Variants in CACNA1D observed in about 807,000 individuals in gnomAD.
The protein encoded by CACNA1D is voltage-dependent L-type calcium channel subunit alpha-1D.
A neutral mutation model predicts 257.1 loss-of-function variants in CACNA1D; 55 were observed. That is an observed-to-expected ratio of 0.21 (90% confidence interval 0.17 to 0.27). The LOEUF (loss-of-function observed/expected upper bound fraction) is 0.27. Among genes scored for constraint, CACNA1D ranks in the 10% least tolerant of loss-of-function variants. CACNA1D has a pLI of 1.00. For missense variants in CACNA1D, 1,876 were observed against 2,784.0 expected (o/e 0.67, Z 7.34); for synonymous variants, 980 against 1,014.9 (o/e 0.97, Z 0.65).
At chr3:53,517,777 C>T (rs533053237) in intron 3 of CACNA1D, among the ~76,000 whole-genome samples, 86 of 152,254 alleles carry the variant, frequency 5.6e-4, no homozygotes, top group African/African-American at 2.0e-3. Context: ...CCACCGTGCC[C>T]GGCCATGCAT....
At chr3:53,704,662 A>C (rs1267578941) in intron 9 of CACNA1D, among the ~76,000 whole-genome samples, 1 of 152,166 alleles carries the variant, frequency 6.6e-6, no homozygotes, top group Non-Finnish European at 1.5e-5. Context: ...AGATGCCTGC[A>C]CCGCTCTTTT....
chr3:53,725,676 T>C (rs2094928717), intron 14 of CACNA1D, among the ~76,000 whole-genome samples: 1 of 152,198 alleles, frequency 6.6e-6, no homozygotes, highest in Admixed American at 6.5e-5. Context: ...GATACTGTTC[T>C]TATCAGGAGT....
rs111310246 is a variant in CACNA1D, at chr3:53,769,657, C to T, written c.3871-316C>T. Among the ~76,000 whole-genome samples the T allele has an allele frequency of 0.02, 3,107 of 152,316 alleles. 121 individuals are homozygous for T. The highest frequency in any genetic ancestry group is 0.071 in the African/African-American group (2,963 of 41,550). ...GCCCTGACTAAGCCAAGAGAACTAG[C>T]CTCCTCGCGAGAAGCGGGGGCACAC... On this transcript the variant is annotated intron_variant, in intron 30 of 47. Coordinates refer to ENST00000350061, the MANE Select transcript of CACNA1D (RefSeq NM_001128840.3).
intron 16 of CACNA1D, 73 bp from the exon 17 acceptor site, chr3:53,731,004 G>A (rs1356954613): frequency 6.5e-6 from 6 of 924,136 alleles, no homozygotes; most frequent in Non-Finnish European, 3.5e-6. Context: ...TATTGATTCA[G>A]AATCCTGATT....
intron 3 of CACNA1D, among the ~76,000 whole-genome samples, chr3:53,614,547 C>G (rs1184807383): frequency 6.6e-6 from 1 of 152,174 alleles, no homozygotes; most frequent in Non-Finnish European, 1.5e-5. Context: ...TGAGTGAGCA[C>G]AGTACAACCA....
chr3:53,523,816 C>G (rs1221827218), intron 3 of CACNA1D, among the ~76,000 whole-genome samples: 1 of 152,150 alleles, frequency 6.6e-6, no homozygotes, highest in East Asian at 1.9e-4. Context: ...CTATTTTTTG[C>G]AGGGAGGACT....
intron 8 of CACNA1D, chr3:53,679,429 A>G (rs1344425548): frequency 6.6e-6 from 1 of 152,140 alleles, no homozygotes; most frequent in Non-Finnish European, 1.5e-5. Context: ...ATTGCTTACA[A>G]CATTGAAAAG....
chr3:53,810,154 G>GCCGTCCCTGCA lies in CACNA1D; in HGVS notation c.6052_6062dup (p.Ser2022ProfsTer24). On this transcript the variant is annotated frameshift_variant, in exon 47 of 48. Coordinates refer to ENST00000350061, the MANE Select transcript of CACNA1D (RefSeq NM_001128840.3). LOFTEE classifies it high-confidence loss of function. ...CCCTGGACCAGGTGAACGGCAGCCTGCCGTCCCTGCACCGCAGCTCCTGGT... is the reference window on the plus strand; with the variant it reads ...CCCTGGACCAGGTGAACGGCAGCCTGCCGTCCCTGCACCGTCCCTGCACCGCAGCTCCTGGT... 6.2e-7 allele frequency: 1 copy of GCCGTCCCTGCA among 1,613,974 alleles called. No homozygotes were observed.
chr3:53,603,284 C>T (rs2093467692), intron 3 of CACNA1D, among the ~76,000 whole-genome samples: 1 of 152,206 alleles, frequency 6.6e-6, no homozygotes, highest in East Asian at 1.9e-4. Flanking sequence ...CCTTGAACAG[C>T]AGTGGCACAG....
intron 3 of CACNA1D, among the ~76,000 whole-genome samples, chr3:53,557,057 T>A (rs1433875628): frequency 6.6e-6 from 1 of 152,230 alleles, no homozygotes; most frequent in East Asian, 1.9e-4. Flanking sequence ...GCAAAAGTTT[T>A]AAATTTTGAT....
intron 3 of CACNA1D, among the ~76,000 whole-genome samples, chr3:53,508,118 A>G (rs1218251473): frequency 1.3e-5 from 2 of 152,062 alleles, no homozygotes; most frequent in East Asian, 1.9e-4. Flanking sequence ...TGAGGAGGGC[A>G]TGTGGGGACG....
Position 53,780,118 on chromosome 3 carries a change from C to T in CACNA1D, c.4680C>T (p.Ile1560=), listed in dbSNP as rs2095418098. 2 of 1,612,122 alleles carry T rather than the reference C, an allele frequency of 1.2e-6. No homozygotes were observed. Among genetic ancestry groups the T allele is most frequent in the Admixed American group, 3.3e-5 (2 of 60,010 alleles). ...CTTTGGTTCGAACGGCTCTTAAGATCAAGACCGAAGGTGAGCATTCCCTGC... is the reference window on the plus strand; with the variant it reads ...CTTTGGTTCGAACGGCTCTTAAGATTAAGACCGAAGGTGAGCATTCCCTGC... ...LFALVRTALK[I]KTEGNLEQAN... is the part of the protein sequence containing the mutation. The change falls in exon 38 of 48, where the codon ATC becomes ATT. Residue 1560 remains isoleucine, a synonymous_variant. Coordinates refer to ENST00000350061, the MANE Select transcript of CACNA1D (RefSeq NM_001128840.3).
At chr3:53,710,537 A>C (rs2094742301) in intron 9 of CACNA1D, 1 of 454,568 alleles carries the variant, frequency 2.2e-6, no homozygotes, top group Non-Finnish European at 4.4e-6. Context: ...TTTTCCTTGC[A>C]CATAGGCATT....
chr3:53,726,647 A>C (rs35025659), intron 14 of CACNA1D, among the ~76,000 whole-genome samples: 2 of 151,068 alleles, frequency 1.3e-5, no homozygotes, highest in African/African-American at 4.8e-5. Flanking sequence ...AAAACAAACA[A>C]ACACTTAAGT....
At chr3:53,550,804 G>A (rs1267542254) in intron 3 of CACNA1D, among the ~76,000 whole-genome samples, 4 of 151,940 alleles carry the variant, frequency 2.6e-5, no homozygotes, top group South Asian at 2.1e-4. Context: ...TTAGAGTTAC[G>A]GGTATTTTAA....
chr3:53,643,532 T>C (rs1422749338), intron 3 of CACNA1D, among the ~76,000 whole-genome samples: 1 of 152,158 alleles, frequency 6.6e-6, no homozygotes, highest in Non-Finnish European at 1.5e-5. Context: ...TCTCGGTTCT[T>C]GCTGTTCTTG....
At position 53,810,042 on chromosome 3, in the gene CACNA1D, G is replaced by A. The variant is rs143354476; in HGVS notation, c.5936G>A (p.Arg1979Gln). 9.0e-5 allele frequency: 145 copies of A among 1,613,882 alleles called. 1 individual carries two copies. The highest frequency in any genetic ancestry group is 7.7e-4 in the South Asian group (70 of 91,070). The change falls in exon 47 of 48, where the codon CGG (arginine) becomes CAG (glutamine). Residue 1979 changes from arginine (R) to glutamine (Q), a missense_variant. Arg to Gln is a conservative substitution (Grantham distance 43). Around this residue, in one of 10 missense-constraint regions of CACNA1D, gnomAD observed 491 missense variants for 554.3 expected, o/e 0.89. Transcript: ENST00000350061. ...AAGTACTCACCGAGTCACTCGACCC[G>A]GTCGTGGGCCACCCCTCCAGCAACC... ...AQKYSPSHST[R>Q]SWATPPATPP...
intron 3 of CACNA1D, among the ~76,000 whole-genome samples, chr3:53,514,603 C>T (rs550057060): frequency 6.6e-6 from 1 of 152,290 alleles, no homozygotes; most frequent in African/African-American, 2.4e-5. Context: ...CAGGCCCTGG[C>T]TCCTAGAAAG....
At chr3:53,674,891 TCTC>T (rs1299849074) in intron 8 of CACNA1D, among the ~76,000 whole-genome samples, 1 of 152,138 alleles carries the variant, frequency 6.6e-6, no homozygotes, top group Non-Finnish European at 1.5e-5. Context: ...GGCAAGTTTA[TCTC>T]CTCCTCACTC....
Sources: gnomAD v4.1 joint callset for allele counts (sites outside exome capture counted in the v4.1 genomes callset) on GRCh38, gnomAD v4.1.1 for gene constraint, gnomAD v4.1.1 regional missense constraint, MANE v1.5 for transcripts, NCBI Gene and HGNC (gene_info 2026-07-23, HGNC 2026-07-21) for gene names.